GALNT15: variants seen among roughly 807,000 people sequenced by gnomAD.
GALNT15 encodes the protein UDP-GalNAc transferase T15.
A neutral mutation model predicts 66.8 loss-of-function variants in GALNT15; 67 were observed. The observed-to-expected ratio is 1.00, with a 90% CI of 0.82 to 1.23. The LOEUF (loss-of-function observed/expected upper bound fraction) is 1.23, where lower values mean the gene tolerates loss of function less well. Among genes scored for constraint, GALNT15 ranks in the 50% most tolerant of loss-of-function variants. The pLI, the probability that GALNT15 is intolerant of heterozygous loss-of-function variation, is 0.00. For missense variants in GALNT15, 827 were observed against 804.3 expected, an observed-to-expected ratio of 1.03 and a Z score of -0.34; for synonymous variants, 313 against 311.5, an observed-to-expected ratio of 1.00 and a Z score of -0.05.
the GALNT15 span, among the ~76,000 whole-genome samples, chr3:16,237,644 A>G: frequency 6.6e-6 from 1 of 152,162 alleles, no homozygotes; most frequent in African/African-American, 2.4e-5. This position sits in a 1 kb window ranked among gnomAD's most constrained non-coding sequence, Gnocchi z 4.2. Context: ...TATCTTAGAG[A>G]TAAAGTCCTG....
At position 16,229,538 on chromosome 3, in the gene GALNT15, C is replaced by T; in HGVS notation, c.*2038C>T. 1 of 984,790 alleles carries T rather than the reference C, an allele frequency of 1.0e-6. No individual in the cohort carries two copies. Among genetic ancestry groups the T allele is most frequent in the Non-Finnish European group, 1.2e-6 (1 of 829,402 alleles). The allele number at this position is 984,790 out of a possible 1,614,324, so 61.0% of individuals were successfully genotyped here. On this transcript the variant is annotated 3_prime_UTR_variant, in exon 10 of 10. Transcript: ENST00000339732. Reference sequence around the variant, plus strand: ...CACTGTCTTCTTGCTTCAGACCCATCTATATTTAAAACAAATTTCCCTAAA... The same window carrying T: ...CACTGTCTTCTTGCTTCAGACCCATTTATATTTAAAACAAATTTCCCTAAA...
intron 6 of GALNT15, among the ~76,000 whole-genome samples, chr3:16,213,452 C>A (rs868420627): frequency 3.7e-3 from 235 of 63,764 alleles, no homozygotes; most frequent in South Asian, 5.5e-3. Flanking sequence ...AACTCCATCT[C>A]AAAAAAAAAA....
At position 16,186,856 on chromosome 3, in the gene GALNT15, A is replaced by G. The variant is rs767391233; in HGVS notation, c.540-8904A>G. Among the ~76,000 whole-genome samples the G allele has an allele frequency of 6.6e-6, 1 of 152,188 alleles. No individual in the cohort carries two copies. Among genetic ancestry groups the G allele is most frequent in the Non-Finnish European group, 1.5e-5 (1 of 68,034 alleles). ...GGTGGGGTGTTGAAAACGTTCTCAA[A>G]TTAGACAGTGGTGATGGCTGCACAC... On this transcript the variant is annotated intron_variant, in intron 1 of 9. Transcript: ENST00000339732. The surrounding 1 kb of genome is among the most constrained non-coding windows in gnomAD (Gnocchi z 5.1).
At position 16,204,479 on chromosome 3, in the gene GALNT15, G is replaced by A. The variant is rs939986844; in HGVS notation, c.911+3656G>A. Reference sequence around the variant, plus strand: ...GTCTCCCTATGGGCAACTGATTTTAGGGCAGCCCTGGGAGATGCTGATTGA... The same window carrying A: ...GTCTCCCTATGGGCAACTGATTTTAAGGCAGCCCTGGGAGATGCTGATTGA... On this transcript the variant is annotated intron_variant, in intron 3 of 9. Transcript: ENST00000339732. This position sits in a 1 kb window ranked among gnomAD's most constrained non-coding sequence, Gnocchi z 4.5. Among the ~76,000 whole-genome samples the A allele has an allele frequency of 1.3e-5, 2 of 152,082 alleles. No individual in the cohort carries two copies. The highest frequency in any genetic ancestry group is 2.9e-5 in the Non-Finnish European group (2 of 68,014).
the GALNT15 span, among the ~76,000 whole-genome samples, chr3:16,246,973 T>C: frequency 1.3e-5 from 2 of 152,234 alleles, no homozygotes; most frequent in Admixed American, 6.5e-5. Flanking sequence ...TTGCTATATA[T>C]TTACCATTGT....
Position 16,182,480 on chromosome 3 carries a change from A to C in GALNT15, c.539+6790A>C, listed in dbSNP as rs1429852472. Among the ~76,000 whole-genome samples the C allele has an allele frequency of 6.6e-6, 1 of 152,252 alleles. No individual in the cohort carries two copies. Among genetic ancestry groups the C allele is most frequent in the Non-Finnish European group, 1.5e-5 (1 of 68,044 alleles). On this transcript the variant is annotated intron_variant, in intron 1 of 9. Transcript: ENST00000339732. This position sits in a 1 kb window ranked among gnomAD's most constrained non-coding sequence, Gnocchi z 6.1. ...TCAAGTCACTTAAGGTGATGGAGTT[A>C]CTGCAAGTTTACACAGGAAGTAAGT... is the stretch of plus-strand genomic sequence containing the variant.
chr3:16,215,540 A>G (rs1474459560), intron 6 of GALNT15, among the ~76,000 whole-genome samples: 1 of 152,218 alleles, frequency 6.6e-6, no homozygotes, highest in East Asian at 1.9e-4. Flanking sequence ...TTTTCCAGAA[A>G]TAGTTGGACG....
downstream of GALNT15, chr3:16,232,018 G>T (rs867409619): frequency 1.2e-5 from 17 of 1,392,968 alleles, no homozygotes; most frequent in Middle Eastern, 2.6e-4. Flanking sequence ...GTCATAACTT[G>T]CCCAGATGCA....
At chr3:16,222,821 A>G (rs980513533) in intron 9 of GALNT15, 63 bp downstream of exon 9, 7 of 1,582,380 alleles carry the variant, frequency 4.4e-6, no homozygotes, top group Non-Finnish European at 4.3e-6. Context: ...GCTGGTTGGC[A>G]TTGGATCCTG....
In GALNT15 at chr3:16,189,309, G is replaced by A. The variant is rs944734534; in HGVS notation, c.540-6451G>A. On this transcript the variant is annotated intron_variant, in intron 1 of 9. Transcript: ENST00000339732. The surrounding 1 kb of genome is among the most constrained non-coding windows in gnomAD (Gnocchi z 5.1). ...ACCACCATGTTGCATAACTCCAAGA[G>A]ACACCAGTGCATGGTGATCTCTGAG... 1.3e-5 allele frequency among the ~76,000 whole-genome samples: 2 copies of A among 152,214 alleles called. No individual in the cohort carries two copies. Among genetic ancestry groups the A allele is most frequent in the Admixed American group, 1.3e-4 (2 of 15,286 alleles).
At chr3:16,221,104 T>C (rs2063937543) in intron 8 of GALNT15, among the ~76,000 whole-genome samples, 1 of 152,146 alleles carries the variant, frequency 6.6e-6, no homozygotes, top group Non-Finnish European at 1.5e-5. Context: ...GCAGGCTTCT[T>C]TAAATCCTGG....
intron 2 of GALNT15, among the ~76,000 whole-genome samples, chr3:16,196,854 G>T (rs1465994295): frequency 6.6e-6 from 1 of 152,182 alleles, no homozygotes; most frequent in Non-Finnish European, 1.5e-5. Flanking sequence ...AACGCTCTGA[G>T]GGAAGCCGAG....
chr3:16,216,161 A>G (rs1044088790), intron 6 of GALNT15, among the ~76,000 whole-genome samples: 4 of 152,288 alleles, frequency 2.6e-5, no homozygotes, highest in African/African-American at 4.8e-5. Flanking sequence ...TGGTGAATCT[A>G]TATGGTTCTG....
chr3:16,246,435 C>T, the GALNT15 span, among the ~76,000 whole-genome samples: 1 of 149,420 alleles, frequency 6.7e-6, no homozygotes, highest in African/African-American at 2.5e-5. Flanking sequence ...AAGTGATTCT[C>T]CTGCCTCAGC....
chr3:16,200,591 C>T lies in GALNT15; in HGVS notation c.707-28C>T. ...CTCATCGGTTGTGGCATTTGTCATT[C>T]CACTGACCACAACCCTGTTGATTCC... is the stretch of plus-strand genomic sequence containing the variant. On this transcript the variant is annotated intron_variant, in intron 2 of 9. Coordinates refer to ENST00000339732, the MANE Select transcript of GALNT15 (RefSeq NM_054110.5). The surrounding 1 kb of genome is among the most constrained non-coding windows in gnomAD (Gnocchi z 4.4). 1 of 1,469,204 alleles carries T rather than the reference C, an allele frequency of 6.8e-7. No homozygotes were observed. The highest frequency in any genetic ancestry group is 9.1e-7 in the Non-Finnish European group (1 of 1,103,312). The allele number at this position is 1,469,204 out of a possible 1,614,324, so 91.0% of individuals were successfully genotyped here.
chr3:16,201,373 G>A (rs2063701186), intron 3 of GALNT15, among the ~76,000 whole-genome samples: 1 of 151,088 alleles, frequency 6.6e-6, no homozygotes, highest in African/African-American at 2.4e-5. Context: ...AGTAGAGAAG[G>A]GGTTTCACCG....
downstream of GALNT15, among the ~76,000 whole-genome samples, chr3:16,232,512 T>TATATATATATATATATA (rs56354612): frequency 1.3e-3 from 53 of 40,152 alleles, 6 homozygotes; most frequent in South Asian, 2.1e-3. Flanking sequence ...ATATATATAT[T>TATATATATATATATATA]TATTTAAAAG....
Position 16,200,726 on chromosome 3 carries a change from A to G in GALNT15, c.814A>G (p.Thr272Ala). ...GAIRARMLGATRATGDVLVFM... is the reference protein window; with the variant it reads ...GAIRARMLGAARATGDVLVFM... ...CATCAGGGCCCGGATGCTGGGGGCCACCAGAGCCACCGGGGATGTGCTCGT... is the reference window on the plus strand; with the variant it reads ...CATCAGGGCCCGGATGCTGGGGGCCGCCAGAGCCACCGGGGATGTGCTCGT... Residue 272 changes from threonine to alanine, a missense_variant, in exon 3 of 10, where the codon ACC (threonine) becomes GCC (alanine). Coordinates refer to ENST00000339732, the MANE Select transcript of GALNT15 (RefSeq NM_054110.5). This position sits in a 1 kb window ranked among gnomAD's most constrained non-coding sequence, Gnocchi z 4.4. 1 of 1,612,388 alleles carries G rather than the reference A, an allele frequency of 6.2e-7. No individual in the cohort carries two copies. Among genetic ancestry groups the G allele is most frequent in the Non-Finnish European group, 8.5e-7 (1 of 1,179,298 alleles).
rs2063720406 is a variant in GALNT15, at chr3:16,203,228, A to G, written c.911+2405A>G. ...AGCTGGTCAGGGAGGAACATTAGTC[A>G]TCCCTAACCCCACAACTGGTTATGA... On this transcript the variant is annotated intron_variant, in intron 3 of 9. Transcript: ENST00000339732. The surrounding 1 kb of genome is among the most constrained non-coding windows in gnomAD (Gnocchi z 6.2). Among the ~76,000 whole-genome samples, 1 of 152,078 alleles carries G rather than the reference A, an allele frequency of 6.6e-6. No individual in the cohort carries two copies. The highest frequency in any genetic ancestry group is 2.1e-4 in the South Asian group (1 of 4,822).
Sources: gnomAD v4.1 joint callset for allele counts (sites outside exome capture counted in the v4.1 genomes callset) on GRCh38, gnomAD v4.1.1 for gene constraint, Gnocchi (gnomAD v3.1) non-coding constraint, MANE v1.5 for transcripts, NCBI Gene and HGNC (gene_info 2026-07-23, HGNC 2026-07-21) for gene names.